Variants in HPCAL1 observed in about 807,000 individuals in gnomAD.
HPCAL1 encodes hippocalcin like 1, also known as hippocalcin-like protein 1.
Under a neutral mutation model 17.1 loss-of-function variants are expected in HPCAL1, and 8 were observed. That is an observed-to-expected ratio of 0.47 (90% CI 0.27 to 0.84). The LOEUF (loss-of-function observed/expected upper bound fraction) is 0.84, where lower values mean the gene tolerates loss of function less well. HPCAL1 is among the 40% of genes least tolerant of loss of function. HPCAL1 has a pLI of 0.13. For missense variants in HPCAL1, 165 were observed against 271.1 expected (o/e 0.61, Z 2.75); for synonymous variants, 112 against 111.4 (o/e 1.01, Z -0.03).
intron 2 of HPCAL1, among the ~76,000 whole-genome samples, chr2:10,411,543 G>A (rs1223109634): frequency 6.6e-6 from 1 of 152,180 alleles, no homozygotes; most frequent in Non-Finnish European, 1.5e-5. Flanking sequence ...AAGCCGCCGA[G>A]TGCCCCGGGA....
At position 10,394,573 on chromosome 2, in the gene HPCAL1, C is replaced by T. The variant is rs1668893733; in HGVS notation, c.-110-2262C>T. Among the ~76,000 whole-genome samples, 1 of 152,202 alleles carries T rather than the reference C, an allele frequency of 6.6e-6. No homozygotes were observed. The highest frequency in any genetic ancestry group is 2.1e-4 in the South Asian group (1 of 4,826). ...GTAATGGTGGGTGCGCATCGGTACA[C>T]GTTTGTCAAAGCCCACGGAGTGGCC... On this transcript the variant is annotated intron_variant, in intron 1 of 4. Transcript: ENST00000307845. This position sits in a 1 kb window ranked among gnomAD's most constrained non-coding sequence, Gnocchi z 5.0.
intron 2 of HPCAL1, among the ~76,000 whole-genome samples, chr2:10,397,916 T>C (rs749578297): frequency 2.0e-5 from 3 of 152,160 alleles, no homozygotes; most frequent in Admixed American, 1.3e-4. Flanking sequence ...TCCAATCTCG[T>C]GCATATTAAG....
chr2:10,423,103 G>T lies in HPCAL1; in HGVS notation c.484+15G>T, dbSNP rs1671170040. ...CAACAATGACGGTAGTGCGGGGTGG[G>T]GGCGGGGCTGCATGTGTACGCCACG... On this transcript the variant is annotated intron_variant, in intron 4 of 4. Coordinates refer to ENST00000307845, the MANE Select transcript of HPCAL1 (RefSeq NM_002149.4). The T allele has an allele frequency of 1.9e-6, 3 of 1,576,824 alleles. No homozygotes were observed. Among genetic ancestry groups the T allele is most frequent in the Non-Finnish European group, 2.6e-6 (3 of 1,147,018 alleles).
chr2:10,366,349 C>T (rs1048728025), intron 1 of HPCAL1, among the ~76,000 whole-genome samples: 1 of 152,164 alleles, frequency 6.6e-6, no homozygotes, highest in African/African-American at 2.4e-5. Flanking sequence ...GATTCTTGTG[C>T]CTCAGCCTCC....
At position 10,330,404 on chromosome 2, in the gene HPCAL1, C is replaced by T. The variant is rs1489439456; in HGVS notation, c.-111+27227C>T. Among the ~76,000 whole-genome samples the T allele has an allele frequency of 6.6e-6, 1 of 152,210 alleles. No individual in the cohort carries two copies. Among genetic ancestry groups the T allele is most frequent in the African/African-American group, 2.4e-5 (1 of 41,458 alleles). On this transcript the variant is annotated intron_variant, in intron 1 of 4. Transcript: ENST00000307845. This position sits in a 1 kb window ranked among gnomAD's most constrained non-coding sequence, Gnocchi z 4.2. The stretch of plus-strand genomic sequence containing the variant: ...CCCCACCAAGCCCTGAGTCGTCTAA[C>T]CTTCCCGGTGTATTAGTCAGCTCTG...
intron 1 of HPCAL1, among the ~76,000 whole-genome samples, chr2:10,375,724 G>T (rs1043745023): frequency 1.3e-5 from 2 of 152,230 alleles, no homozygotes; most frequent in African/African-American, 4.8e-5. Context: ...TTCTCTGAGA[G>T]TTGAAGGAAG....
At chr2:10,406,954 C>T (rs1180962745) in intron 2 of HPCAL1, among the ~76,000 whole-genome samples, 1 of 152,172 alleles carries the variant, frequency 6.6e-6, no homozygotes, top group Non-Finnish European at 1.5e-5. Context: ...CACTCACCTC[C>T]CTTTCTCTGC....
chr2:10,337,549 C>T (rs971943914), intron 1 of HPCAL1, among the ~76,000 whole-genome samples: 1 of 152,150 alleles, frequency 6.6e-6, no homozygotes, highest in Non-Finnish European at 1.5e-5. Context: ...TTATTTACTT[C>T]TCACAGCCTC....
At chr2:10,336,367 GC>G in intron 1 of HPCAL1, among the ~76,000 whole-genome samples, 1 of 152,240 alleles carries the variant, frequency 6.6e-6, no homozygotes, top group Non-Finnish European at 1.5e-5. Flanking sequence ...TTTATACTCT[GC>G]TTTTTTCAGT....
In HPCAL1 at chr2:10,377,521, A is replaced by G. The variant is rs1667646774; in HGVS notation, c.-110-19314A>G. On this transcript the variant is annotated intron_variant, in intron 1 of 4. Transcript: ENST00000307845. The surrounding 1 kb of genome is among the most constrained non-coding windows in gnomAD (Gnocchi z 5.9). ...CACCCCCATCCCTGTCCTTTCACGC[A>G]CTGTCTGCCCGCACACACTCTTCCA... Among the ~76,000 whole-genome samples, 1 of 151,618 alleles carries G rather than the reference A, an allele frequency of 6.6e-6. No homozygotes were observed. The highest frequency in any genetic ancestry group is 6.6e-5 in the Admixed American group (1 of 15,236).
In HPCAL1 at chr2:10,426,841, T is replaced by G; in HGVS notation, c.*20T>G. 1.3e-6 allele frequency: 2 copies of G among 1,599,412 alleles called. No individual in the cohort carries two copies. Among genetic ancestry groups the G allele is most frequent in the Non-Finnish European group, 1.7e-6 (2 of 1,167,580 alleles). On this transcript the variant is annotated 3_prime_UTR_variant, in exon 5 of 5. Transcript: ENST00000307845. ...TTCTGAGCGAGCGGCCCCTGGACAGTTGCAGAGAAACACAGGCTTGTCGTG... is the reference window on the plus strand; with the variant it reads ...TTCTGAGCGAGCGGCCCCTGGACAGGTGCAGAGAAACACAGGCTTGTCGTG...
At chr2:10,312,319 TCATATCATCATCATCATC>T (rs1663027436) in intron 1 of HPCAL1, among the ~76,000 whole-genome samples, 1 of 13,972 alleles carries the variant, frequency 7.2e-5, no homozygotes, top group East Asian at 6.8e-3. Context: ...ATCATCATCA[TCATATCATCATCATCATC>T]ATCATATCAT....
chr2:10,374,189 G>C (rs1667402526), intron 1 of HPCAL1, among the ~76,000 whole-genome samples: 3 of 152,102 alleles, frequency 2.0e-5, no homozygotes, highest in Admixed American at 2.0e-4. Context: ...AGTCTCAGCT[G>C]AGTCCTCGAG....
chr2:10,380,684 A>T (rs538328557), intron 1 of HPCAL1, among the ~76,000 whole-genome samples: 5 of 150,258 alleles, frequency 3.3e-5, no homozygotes, highest in African/African-American at 1.2e-4. Context: ...ACTATTATTC[A>T]CTCTTCAAGT....
intron 1 of HPCAL1, chr2:10,369,363 T>C (rs1191971989): frequency 6.6e-6 from 1 of 152,274 alleles, no homozygotes; most frequent in Non-Finnish European, 1.5e-5. Context: ...CCTCCAGCCC[T>C]TGAGGAATTC....
At chr2:10,387,497 C>T (rs1668393700) in intron 1 of HPCAL1, among the ~76,000 whole-genome samples, 1 of 152,256 alleles carries the variant, frequency 6.6e-6, no homozygotes, top group Non-Finnish European at 1.5e-5. Flanking sequence ...GGCACAGGGA[C>T]AACCTCACCA....
At chr2:10,399,253 C>CCACCACCACCACCAT (rs1446031348) in intron 2 of HPCAL1, among the ~76,000 whole-genome samples, 1 of 67,604 alleles carries the variant, frequency 1.5e-5, no homozygotes, top group African/African-American at 4.9e-5. Context: ...ACCACCACCA[C>CCACCACCACCACCAT]CACCACCATC....
At chr2:10,319,787 G>A (rs1663557219) in intron 1 of HPCAL1, among the ~76,000 whole-genome samples, 1 of 151,874 alleles carries the variant, frequency 6.6e-6, no homozygotes, top group Admixed American at 6.6e-5. Context: ...CTATGTGCCA[G>A]TCTCTGTGCT....
At chr2:10,401,590 G>C (rs896740825) in intron 2 of HPCAL1, among the ~76,000 whole-genome samples, 1 of 152,100 alleles carries the variant, frequency 6.6e-6, no homozygotes, top group Non-Finnish European at 1.5e-5. Context: ...TGTCTGTAAG[G>C]AGCGCCTAGA....
Sources: gnomAD v4.1 joint callset for allele counts (sites outside exome capture counted in the v4.1 genomes callset) on GRCh38, gnomAD v4.1.1 for gene constraint, Gnocchi (gnomAD v3.1) non-coding constraint, MANE v1.5 for transcripts, NCBI Gene and HGNC (gene_info 2026-07-23, HGNC 2026-07-21) for gene names.